Variants in CRACDL observed in about 807,000 individuals in gnomAD.
CRACDL encodes CRACD like.
Under a neutral mutation model 70.6 loss-of-function variants are expected in CRACDL, and 26 were observed. The ratio of observed to expected loss-of-function variants is 0.37; its 90% CI spans 0.27 to 0.51. The LOEUF (loss-of-function observed/expected upper bound fraction) is 0.51. Ranked by LOEUF, CRACDL falls within the 20% of genes least tolerant of loss-of-function variation. The probability of loss-of-function intolerance (pLI) is 0.94; values close to 1 mark genes in which losing one functional copy is unlikely to be tolerated. For missense variants in CRACDL, 1,283 were observed against 1,376.9 expected, an observed-to-expected ratio of 0.93 and a Z score of 1.08; for synonymous variants, 618 against 615.2, an observed-to-expected ratio of 1.00 and a Z score of -0.07.
At chr2:98,802,985 G>A (rs1186583917) in intron 7 of CRACDL, among the ~76,000 whole-genome samples, 1 of 150,240 alleles carries the variant, frequency 6.7e-6, no homozygotes, top group African/African-American at 2.4e-5. Context: ...ATGGGTGTGA[G>A]CCACATGCCT....
chr2:98,886,884 C>T (rs912769422), intron 1 of CRACDL, among the ~76,000 whole-genome samples: 2 of 152,146 alleles, frequency 1.3e-5, no homozygotes, highest in African/African-American at 4.8e-5. Flanking sequence ...ATATGGTCCA[C>T]ATATAGGGAG....
At chr2:98,847,328 C>T (rs528183993) in intron 1 of CRACDL, among the ~76,000 whole-genome samples, 2 of 152,274 alleles carry the variant, frequency 1.3e-5, no homozygotes, top group South Asian at 2.1e-4. Context: ...AAATTATTCA[C>T]GTGTTATTTT....
At chr2:98,930,610 G>A (rs1304952396) in intron 1 of CRACDL, among the ~76,000 whole-genome samples, 1 of 149,942 alleles carries the variant, frequency 6.7e-6, no homozygotes, top group Admixed American at 6.7e-5. Context: ...CCCCTGTCCT[G>A]TGTCACCTAC....
intron 5 of CRACDL, among the ~76,000 whole-genome samples, 183 bp from the exon 6 acceptor site, chr2:98,827,352 GAGTGCAGTGGCGTGATCTCTGCTCACTGC>G (rs1371627814): frequency 6.4e-4 from 97 of 152,096 alleles, no homozygotes; most frequent in Admixed American, 7.2e-4. Context: ...ACCAAGGCTG[GAGTGCAGTGGCGTGATCTCTGCTCACTGC>G]AACCTCTGCC....
chr2:98,896,130 AC>A (rs1264031429), intron 1 of CRACDL, among the ~76,000 whole-genome samples: 4 of 152,026 alleles, frequency 2.6e-5, no homozygotes, highest in Non-Finnish European at 5.9e-5. Flanking sequence ...GTGGCATGGG[AC>A]AGGAGGAGTA....
chr2:98,904,935 T>C (rs1708368801), intron 1 of CRACDL, among the ~76,000 whole-genome samples: 1 of 151,986 alleles, frequency 6.6e-6, no homozygotes, highest in Admixed American at 6.6e-5. Flanking sequence ...AATGAGTTCA[T>C]CCTAGATCTG....
intron 7 of CRACDL, among the ~76,000 whole-genome samples, chr2:98,811,973 T>C (rs1226203146): frequency 2.0e-5 from 3 of 152,150 alleles, no homozygotes; most frequent in African/African-American, 7.2e-5. Flanking sequence ...TGGGTGATTA[T>C]GTCATTTGTA....
rs368995608 is a variant in CRACDL, at chr2:98,912,299, G to T, written c.-11+23639C>A. Among the ~76,000 whole-genome samples, 46 of 152,350 alleles carry T rather than the reference G, an allele frequency of 3.0e-4. No homozygotes were observed. In the South Asian group the frequency reaches 5.2e-3, roughly 17 times the overall value. On this transcript the variant is annotated intron_variant, in intron 1 of 9. Transcript: ENST00000397899. ...CAGTCAGGAGGCGATGCATTGTCTG[G>T]TACTGGCTCTGCCTGCCTGGGTGTG...
At position 98,794,505 on chromosome 2, in the gene CRACDL, G is replaced by C. The variant is rs138898823; in HGVS notation, c.*27C>G. The C allele has an allele frequency of 1.7e-3, 2,732 of 1,607,164 alleles. 23 individuals are homozygous for C. In the African/African-American group the frequency reaches 0.023, roughly 13 times the overall value. On this transcript the variant is annotated 3_prime_UTR_variant, in exon 10 of 10. Transcript: ENST00000397899. Reference sequence around the variant, plus strand: ...AACTAAGTGGCTTGTCAGGGTAGTGGACATGCTTTATCAGCACACTGCCCA... The same window carrying C: ...AACTAAGTGGCTTGTCAGGGTAGTGCACATGCTTTATCAGCACACTGCCCA...
At chr2:98,930,486 C>A (rs1218331865) in intron 1 of CRACDL, among the ~76,000 whole-genome samples, 1 of 122,652 alleles carries the variant, frequency 8.2e-6, no homozygotes, top group Non-Finnish European at 1.7e-5. Context: ...CCGTCCCCAC[C>A]CTCTGTCCTG....
intron 1 of CRACDL, among the ~76,000 whole-genome samples, chr2:98,890,718 G>T (rs1314453975): frequency 2.6e-5 from 4 of 152,170 alleles, no homozygotes; most frequent in Non-Finnish European, 5.9e-5. Context: ...CTGAAATGCT[G>T]CAATGAGCAT....
Position 98,794,305 on chromosome 2 carries a change from T to C in CRACDL, c.*227A>G, listed in dbSNP as rs549201537. The C allele has an allele frequency of 1.1e-5, 5 of 437,422 alleles. No homozygotes were observed. The highest frequency in any genetic ancestry group is 8.0e-5 in the African/African-American group (4 of 50,042). The allele number at this position is 437,422 out of a possible 1,614,324, so 27.1% of individuals were successfully genotyped here. On this transcript the variant is annotated 3_prime_UTR_variant, in exon 10 of 10. Coordinates refer to ENST00000397899, the MANE Select transcript of CRACDL (RefSeq NM_207362.3). The stretch of plus-strand genomic sequence containing the variant: ...ACCTTTGGGCACAGGAACTGGTTCC[T>C]GGACTTTTTCAATGTTGTTCTTGTT...
intron 1 of CRACDL, among the ~76,000 whole-genome samples, chr2:98,928,363 C>T (rs1257988937): frequency 6.6e-6 from 1 of 152,170 alleles, no homozygotes; most frequent in African/African-American, 2.4e-5. Context: ...CGCTCCTGTT[C>T]CGCCCCCAGG....
chr2:98,823,324 CGGA>C lies in CRACDL; in HGVS notation c.946_948del (p.Ser316del). On this transcript the variant is annotated inframe_deletion, in exon 7 of 10. Transcript: ENST00000397899. The surrounding 1 kb of genome is among the most constrained non-coding windows in gnomAD (Gnocchi z 4.0). ...CCCTCCTCCACGCTGGCCGTGAGCG[CGGA>C]GGAGTGCTGCAGGCGGGCGCGTCTG... The C allele has an allele frequency of 1.6e-5, 24 of 1,477,268 alleles. No individual in the cohort carries two copies. Among genetic ancestry groups the C allele is most frequent in the Non-Finnish European group, 2.1e-5 (24 of 1,124,804 alleles). 91.5% of individuals were successfully genotyped at this position (1,477,268 alleles called of 1,614,324 possible). A position where few individuals can be genotyped will look rare whatever the true frequency, so the allele number is the denominator to read the frequency against.
chr2:98,935,805 C>A (rs1709191900), intron 1 of CRACDL, 133 bp downstream of exon 1: 1 of 152,132 alleles, frequency 6.6e-6, no homozygotes, highest in African/African-American at 2.4e-5. Context: ...GTCCGAGGGG[C>A]CCCTGGCTTC....
intron 1 of CRACDL, among the ~76,000 whole-genome samples, chr2:98,848,412 G>T (rs532387108): frequency 1.3e-5 from 2 of 152,076 alleles, no homozygotes; most frequent in Non-Finnish European, 2.9e-5. Context: ...GAAAACATAC[G>T]GTGTAAGGGG....
At chr2:98,920,619 C>T (rs1314495341) in intron 1 of CRACDL, among the ~76,000 whole-genome samples, 1 of 152,210 alleles carries the variant, frequency 6.6e-6, no homozygotes, top group East Asian at 1.9e-4. Flanking sequence ...CACACCGGAC[C>T]CCTCTCCCAG....
rs1362629121 is a variant in CRACDL at position 98,821,871 on chromosome 2, A to C, written c.2402T>G (p.Leu801Arg). 5.0e-6 allele frequency: 8 copies of C among 1,607,150 alleles called. No individual in the cohort carries two copies. The highest frequency in any genetic ancestry group is 6.8e-6 in the Non-Finnish European group (8 of 1,178,722). Residue 801 changes from leucine (L) to arginine (R), a missense_variant, in exon 7 of 10, where the codon CTG becomes CGG. Physicochemically the swap from Leu to Arg is moderately radical, Grantham distance 102. Coordinates refer to ENST00000397899, the MANE Select transcript of CRACDL (RefSeq NM_207362.3). ...CGGGCTCTTACCAGCTCCCCTGCGCAGCGGCCTTTTCTCCGCCGTCCTGGG... is the reference window on the plus strand; with the variant it reads ...CGGGCTCTTACCAGCTCCCCTGCGCCGCGGCCTTTTCTCCGCCGTCCTGGG... ...KEPRTAEKRP[L>R]RRGAEKSLPP... is the part of the protein sequence containing the mutation.
In CRACDL at chr2:98,846,886, C is replaced by G. The variant is rs182015954; in HGVS notation, c.-10-76G>C. On this transcript the variant is annotated intron_variant, in intron 1 of 9. Coordinates refer to ENST00000397899, the MANE Select transcript of CRACDL (RefSeq NM_207362.3). ...CCAATGAGTGAAATGGTGTTCGTGA[C>G]TGCATTTGCCATGATCTGGCCTGCA... The G allele has an allele frequency of 4.9e-6, 6 of 1,231,868 alleles. No individual in the cohort carries two copies. The Admixed American group carries it at 1.0e-4, about 21-fold the overall frequency. 76.3% of individuals were successfully genotyped at this position (1,231,868 alleles called of 1,614,324 possible). A position where few individuals can be genotyped will look rare whatever the true frequency, so the allele number is the denominator to read the frequency against.
Sources: allele counts gnomAD v4.1 joint callset (sites outside exome capture counted in the v4.1 genomes callset), GRCh38; gene constraint gnomAD v4.1.1; non-coding constraint Gnocchi (gnomAD v3.1); transcripts MANE v1.5; gene names NCBI Gene and HGNC (gene_info 2026-07-23, HGNC 2026-07-21).